The following SEPTIN11 variants were observed in gnomAD, a reference collection of about 807,000 sequenced individuals.
The protein encoded by SEPTIN11 is septin 11, also known as septin-11.
A neutral mutation model predicts 51.4 loss-of-function variants in SEPTIN11; 25 were observed. The observed-to-expected ratio is 0.49, with a 90% CI of 0.35 to 0.68. SEPTIN11 has a LOEUF of 0.68. Ranked by LOEUF, SEPTIN11 falls within the 30% of genes least tolerant of loss-of-function variation. SEPTIN11 has a pLI of 0.00. For missense variants in SEPTIN11, 381 were observed against 520.8 expected, an observed-to-expected ratio of 0.73 and a Z score of 2.61; for synonymous variants, 174 against 184.1, an observed-to-expected ratio of 0.95 and a Z score of 0.44.
intron 7 of SEPTIN11, among the ~76,000 whole-genome samples, chr4:77,025,938 C>T (rs1726101342): frequency 6.6e-6 from 1 of 152,196 alleles, no homozygotes; most frequent in African/African-American, 2.4e-5. Flanking sequence ...CTAATCTTGC[C>T]AATGGCAAAG....
chr4:76,958,817 T>A, intron 1 of SEPTIN11: 1 of 1,284,304 alleles, frequency 7.8e-7, no homozygotes, highest in Non-Finnish European at 1.1e-6. Flanking sequence ...AAATAAGTTT[T>A]AAATAGTCAA....
At position 77,014,862 on chromosome 4, in the gene SEPTIN11, A is replaced by C. The variant is rs762747394; in HGVS notation, c.532A>C (p.Ile178Leu). Reference protein sequence around the residue: ...TMKKLDSKVNIIPIIAKADTI... With the variant: ...TMKKLDSKVNLIPIIAKADTI... ...GGACGTGTCTGTTTTACAGGTGAAC[A>C]TCATTCCAATAATTGCAAAAGCTGA... The change falls in exon 5 of 10, where the codon ATC (isoleucine) becomes CTC (leucine). Residue 178 changes from isoleucine to leucine, a missense_variant. Coordinates refer to ENST00000264893, the MANE Select transcript of SEPTIN11 (RefSeq NM_018243.4). The C allele has an allele frequency of 6.2e-7, 1 of 1,614,012 alleles. No individual in the cohort carries two copies. The highest frequency in any genetic ancestry group is 1.1e-5 in the South Asian group (1 of 91,032).
chr4:77,020,694 G>A (rs1725656172), intron 7 of SEPTIN11, 24 bp downstream of exon 7: 2 of 1,609,410 alleles, frequency 1.2e-6, no homozygotes, highest in South Asian at 1.1e-5. Context: ...TAGCAATCAG[G>A]TGTCTCCCAG....
chr4:76,960,897 G>C (rs1051907248), intron 1 of SEPTIN11, among the ~76,000 whole-genome samples: 2 of 152,162 alleles, frequency 1.3e-5, no homozygotes, highest in Non-Finnish European at 2.9e-5. Context: ...TTTGAATTCA[G>C]GGGCGAGTTA....
intron 7 of SEPTIN11, among the ~76,000 whole-genome samples, chr4:77,025,747 T>C (rs1220758238): frequency 1.3e-5 from 2 of 152,312 alleles, no homozygotes; most frequent in African/African-American, 2.4e-5. Context: ...ATTACAGTTA[T>C]GATTCCTTGG....
intron 1 of SEPTIN11, among the ~76,000 whole-genome samples, chr4:76,957,715 C>T (rs932831367): frequency 1.3e-5 from 2 of 152,110 alleles, no homozygotes; most frequent in African/African-American, 4.8e-5. Flanking sequence ...ACCTGAACCA[C>T]ACAGGCTTCC....
intron 1 of SEPTIN11, among the ~76,000 whole-genome samples, chr4:76,977,373 A>G (rs561106000): frequency 2.7e-4 from 41 of 152,326 alleles, no homozygotes; most frequent in Non-Finnish European, 5.1e-4. Context: ...TGCAAGTTGC[A>G]GAGAAGTGCA....
rs1560715988 is a variant in SEPTIN11, at chr4:76,993,916, G to A, written c.28-2509G>A. 4.6e-5 allele frequency among the ~76,000 whole-genome samples: 7 copies of A among 152,232 alleles called. No homozygotes were observed. In the South Asian group the frequency reaches 1.2e-3, roughly 27 times the overall value. On this transcript the variant is annotated intron_variant, in intron 1 of 9. Transcript: ENST00000264893. ...GGGTGGCTTCTCGTGTTTTGGAAAC[G>A]GTGAGAATATGAGATGCTGAGCTTT...
chr4:77,030,992 G>A, intron 9 of SEPTIN11, 22 bp downstream of exon 9: 2 of 1,582,102 alleles, frequency 1.3e-6, no homozygotes, highest in Non-Finnish European at 1.7e-6. Context: ...TCACCCCCCT[G>A]TATCGGGGAC....
At chr4:77,027,799 A>C (rs1352353939) in intron 7 of SEPTIN11, among the ~76,000 whole-genome samples, 1 of 152,182 alleles carries the variant, frequency 6.6e-6, no homozygotes, top group Admixed American at 6.5e-5. Flanking sequence ...TGTGTTACCA[A>C]AGTGATTTCT....
At chr4:76,954,072 C>T (rs1721459291) in intron 1 of SEPTIN11, among the ~76,000 whole-genome samples, 1 of 152,176 alleles carries the variant, frequency 6.6e-6, no homozygotes, top group Non-Finnish European at 1.5e-5. Flanking sequence ...GGGCATGGGC[C>T]ATCCTATGTC....
At chr4:76,951,132 G>A in intron 1 of SEPTIN11, among the ~76,000 whole-genome samples, 1 of 152,166 alleles carries the variant, frequency 6.6e-6, no homozygotes, top group East Asian at 1.9e-4. Context: ...TGTGCTCTCA[G>A]GCTCCCGGCT....
chr4:76,978,864 G>A (rs1403716300), intron 1 of SEPTIN11, among the ~76,000 whole-genome samples: 2 of 152,142 alleles, frequency 1.3e-5, no homozygotes, highest in Admixed American at 1.3e-4. Flanking sequence ...GGTTCATACT[G>A]AAGCATGTGG....
At chr4:77,013,218 G>A (rs1266502917) in intron 4 of SEPTIN11, among the ~76,000 whole-genome samples, 1 of 152,140 alleles carries the variant, frequency 6.6e-6, no homozygotes, top group East Asian at 1.9e-4. Flanking sequence ...GGCAAAACAG[G>A]CACAACTAAT....
chr4:76,995,096 A>G (rs1723607604), intron 1 of SEPTIN11, among the ~76,000 whole-genome samples: 1 of 151,406 alleles, frequency 6.6e-6, no homozygotes, highest in East Asian at 1.9e-4. Context: ...AAAAAAAAAA[A>G]AAAATGGCTG....
At chr4:76,976,803 A>G (rs1224760603) in intron 1 of SEPTIN11, among the ~76,000 whole-genome samples, 2 of 152,204 alleles carry the variant, frequency 1.3e-5, no homozygotes, top group African/African-American at 4.8e-5. Flanking sequence ...TAATTTAACA[A>G]CTAGAGTTTA....
In SEPTIN11 at chr4:77,037,222, C is replaced by T. The variant is rs1727092224; in HGVS notation, c.*2710C>T. ...ACAAAAAATACAAAAATTAGCCAGG[C>T]GTGGTGGCACGTGCCTGTAGTCCCA... On this transcript the variant is annotated 3_prime_UTR_variant, in exon 10 of 10. Transcript: ENST00000264893. 7.6e-6 allele frequency: 4 copies of T among 527,820 alleles called. No individual in the cohort carries two copies. Among genetic ancestry groups the T allele is most frequent in the South Asian group, 8.1e-5 (1 of 12,302 alleles). The allele number at this position is 527,820 out of a possible 1,614,324, so 32.7% of individuals were successfully genotyped here. A position where few individuals can be genotyped will look rare whatever the true frequency, so the allele number is the denominator to read the frequency against.
At chr4:77,029,536 C>T (rs1422451217) in intron 8 of SEPTIN11, among the ~76,000 whole-genome samples, 1 of 152,140 alleles carries the variant, frequency 6.6e-6, no homozygotes, top group African/African-American at 2.4e-5. Context: ...TAGCTAAGCA[C>T]TCAAGATGGT....
At chr4:76,995,689 T>TG in intron 1 of SEPTIN11, 1 of 1,197,898 alleles carries the variant, frequency 8.3e-7, no homozygotes. Flanking sequence ...AGTACCATTT[T>TG]ATATAACAGC....
Sources: gnomAD v4.1 joint callset for allele counts (sites outside exome capture counted in the v4.1 genomes callset) on GRCh38, gnomAD v4.1.1 for gene constraint, MANE v1.5 for transcripts, NCBI Gene and HGNC (gene_info 2026-07-23, HGNC 2026-07-21) for gene names.